GPHN: variants seen among roughly 807,000 people sequenced by gnomAD.
GPHN encodes the protein gephyrin.
In GPHN, 17 loss-of-function variants were observed where a neutral mutation model predicts 95.5. The observed-to-expected ratio is 0.18, with a 90% confidence interval of 0.12 to 0.27. The LOEUF (loss-of-function observed/expected upper bound fraction) is 0.27, where lower values mean the gene tolerates loss of function less well. Among genes scored for constraint, GPHN ranks in the 10% least tolerant of loss-of-function variants. GPHN has a pLI of 1.00. For missense variants in GPHN, 660 were observed against 978.1 expected (o/e 0.67, Z 4.34); for synonymous variants, 320 against 322.5 (o/e 0.99, Z 0.08).
chr14:66,871,239 C>T (rs1421922200), intron 4 of GPHN, among the ~76,000 whole-genome samples: 2 of 152,134 alleles, frequency 1.3e-5, no homozygotes, highest in African/African-American at 2.4e-5. Flanking sequence ...AAATGTTGTG[C>T]TTTGAAGTAT....
intron 1 of GPHN, among the ~76,000 whole-genome samples, chr14:66,653,571 A>G (rs899811110): frequency 1.3e-5 from 2 of 152,146 alleles, no homozygotes; most frequent in Non-Finnish European, 2.9e-5. Context: ...GCCTATTTGT[A>G]AAATACCCAC....
At chr14:66,676,664 C>A (rs72726479) in intron 1 of GPHN, among the ~76,000 whole-genome samples, 3 of 136,522 alleles carry the variant, frequency 2.2e-5, no homozygotes, top group Non-Finnish European at 3.0e-5. Context: ...TCCACTCAAT[C>A]GTAGTGTATT....
chr14:67,557,303 A>G, the GPHN span: 9,682 of 1,613,666 alleles, frequency 6.0e-3, 171 homozygotes, highest in African/African-American at 0.061. Context: ...AAACTATCCA[A>G]TCTGAAGAAT....
chr14:66,510,789 C>T (rs929500692), intron 1 of GPHN, among the ~76,000 whole-genome samples: 1 of 151,868 alleles, frequency 6.6e-6, no homozygotes, highest in African/African-American at 2.4e-5. Context: ...AATGTAAAGG[C>T]CTTGAAAAGC....
chr14:67,611,887 T>C, the GPHN span, among the ~76,000 whole-genome samples: 1 of 152,150 alleles, frequency 6.6e-6, no homozygotes, highest in Admixed American at 6.5e-5. Flanking sequence ...CTCTCCATAA[T>C]GTAGAATCAG....
Position 66,980,403 on chromosome 14 carries a change from T to A in GPHN, c.963+15078T>A, listed in dbSNP as rs1046857443. On this transcript the variant is annotated intron_variant, in intron 9 of 22. Coordinates refer to ENST00000478722, the MANE Select transcript of GPHN (RefSeq NM_020806.5). ...AGATAAACTTTTTTTTGGTCTCATG[T>A]GCAAATAATAAAAAAAATTAAGAAC... Among the ~76,000 whole-genome samples the A allele has an allele frequency of 2.0e-5, 3 of 152,168 alleles. 1 individual carries two copies. The South Asian group carries it at 6.2e-4, about 32-fold the overall frequency.
the GPHN span, chr14:67,692,702 T>C: frequency 7.6e-7 from 1 of 1,313,652 alleles, no homozygotes; most frequent in Non-Finnish European, 1.0e-6. Context: ...TTTTACCCTT[T>C]CTTCACAACA....
intron 1 of GPHN, among the ~76,000 whole-genome samples, chr14:66,576,895 CATT>C (rs1207313797): frequency 2.0e-5 from 3 of 152,098 alleles, no homozygotes; most frequent in Non-Finnish European, 2.9e-5. Context: ...TTTGAAATAA[CATT>C]ATTCAATTTG....
At chr14:66,797,730 CTT>C (rs1413068404) in intron 3 of GPHN, among the ~76,000 whole-genome samples, 1 of 151,840 alleles carries the variant, frequency 6.6e-6, no homozygotes, top group African/African-American at 2.4e-5. Context: ...CTTGTGTAGT[CTT>C]TAGGTTTTTC....
the GPHN span, chr14:67,650,551 G>C: frequency 1.6e-6 from 1 of 623,182 alleles, no homozygotes. Flanking sequence ...TTAAATTCAT[G>C]GCCAAGAGGA....
At chr14:67,033,878 T>C (rs2074299897) in intron 10 of GPHN, among the ~76,000 whole-genome samples, 1 of 152,180 alleles carries the variant, frequency 6.6e-6, no homozygotes, top group East Asian at 1.9e-4. Flanking sequence ...AAGAATGTCA[T>C]TGGATAAACC....
At chr14:67,704,045 G>A in the GPHN span, among the ~76,000 whole-genome samples, 2 of 152,126 alleles carry the variant, frequency 1.3e-5, 1 homozygote, top group South Asian at 4.1e-4. Context: ...AAAACTGTTG[G>A]ATTCGTATTT....
At chr14:67,426,311 C>T in the GPHN span, among the ~76,000 whole-genome samples, 1 of 152,026 alleles carries the variant, frequency 6.6e-6, no homozygotes, top group African/African-American at 2.4e-5. Flanking sequence ...TGAGCTTCAC[C>T]CTTGGGGTTT....
At chr14:66,540,012 T>A (rs566580133) in intron 1 of GPHN, among the ~76,000 whole-genome samples, 1 of 152,376 alleles carries the variant, frequency 6.6e-6, no homozygotes, top group African/African-American at 2.4e-5. Flanking sequence ...TTTCTGATTA[T>A]AAAAGTAATA....
chr14:67,406,452 G>T, the GPHN span, among the ~76,000 whole-genome samples: 5 of 152,020 alleles, frequency 3.3e-5, no homozygotes, highest in African/African-American at 1.2e-4. Context: ...GTCAAGGAGG[G>T]GTGAGCATAG....
the GPHN span, chr14:67,533,631 A>C: frequency 6.6e-6 from 1 of 152,044 alleles, no homozygotes; most frequent in African/African-American, 2.4e-5. Flanking sequence ...CTCCCCCGGG[A>C]GTACCTGGAC....
At chr14:67,381,520 C>T in the GPHN span, 26 of 1,146,068 alleles carry the variant, frequency 2.3e-5, no homozygotes, top group South Asian at 2.7e-4. Flanking sequence ...ATATCTGCCA[C>T]GTGTTTGATT....
At chr14:67,125,064 A>C (rs1010886663) in intron 17 of GPHN, among the ~76,000 whole-genome samples, 1 of 152,206 alleles carries the variant, frequency 6.6e-6, no homozygotes, top group East Asian at 1.9e-4. Flanking sequence ...TGAATGTACA[A>C]ATCTCTAGTG....
At chr14:67,286,868 A>G in the GPHN span, among the ~76,000 whole-genome samples, 12 of 151,042 alleles carry the variant, frequency 7.9e-5, no homozygotes, top group Non-Finnish European at 1.5e-4. Flanking sequence ...AAAAAAAAAA[A>G]AAAAAAGAAA....
Sources: allele counts gnomAD v4.1 joint callset (sites outside exome capture counted in the v4.1 genomes callset), GRCh38; gene constraint gnomAD v4.1.1; transcripts MANE v1.5; gene names NCBI Gene and HGNC (gene_info 2026-07-23, HGNC 2026-07-21).